Variants in SGCZ observed in about 807,000 individuals in gnomAD.
The protein encoded by SGCZ is zeta-sarcoglycan.
SGCZ carries 40 observed loss-of-function variants against 41.3 expected under a neutral mutation model. The ratio of observed to expected loss-of-function variants is 0.97; its 90% CI spans 0.75 to 1.26. The LOEUF (loss-of-function observed/expected upper bound fraction) is 1.26. Ranked by LOEUF, SGCZ falls within the 50% of genes most tolerant of loss-of-function variation. The probability of loss-of-function intolerance (pLI) is 0.00; values close to 1 mark genes in which losing one functional copy is unlikely to be tolerated. For synonymous variants in SGCZ, 206 were observed against 137.5 expected, an observed-to-expected ratio of 1.50 and a Z score of -3.49; for missense variants, 552 against 369.8, an observed-to-expected ratio of 1.49 and a Z score of -4.04.
intron 1 of SGCZ, among the ~76,000 whole-genome samples, chr8:14,718,285 G>C (rs912584763): frequency 9.2e-5 from 14 of 151,860 alleles, no homozygotes; most frequent in Non-Finnish European, 7.4e-5. Flanking sequence ...GCATTCAGGA[G>C]ACAGCTGCTA....
intron 1 of SGCZ, among the ~76,000 whole-genome samples, chr8:14,727,316 C>G (rs1022724980): frequency 7.2e-5 from 11 of 152,086 alleles, no homozygotes; most frequent in Non-Finnish European, 1.5e-4. Flanking sequence ...GAAGTTTAGA[C>G]AGTTTCACCG....
chr8:14,344,016 C>T (rs569690784), intron 2 of SGCZ, among the ~76,000 whole-genome samples: 1 of 152,084 alleles, frequency 6.6e-6, no homozygotes. Context: ...GAAGGAACTG[C>T]AATCCACGAA....
At chr8:14,365,195 A>G (rs979684803) in intron 2 of SGCZ, among the ~76,000 whole-genome samples, 1 of 152,020 alleles carries the variant, frequency 6.6e-6, no homozygotes, top group Non-Finnish European at 1.5e-5. Context: ...GGACTTACCT[A>G]CTTACAGATT....
chr8:14,234,756 T>C (rs569101113), intron 4 of SGCZ, among the ~76,000 whole-genome samples: 1 of 152,250 alleles, frequency 6.6e-6, no homozygotes, highest in East Asian at 1.9e-4. Context: ...GAATTAAATT[T>C]TACTTTTCTA....
chr8:15,205,957 C>T (rs1222539453), intron 1 of SGCZ, among the ~76,000 whole-genome samples: 2 of 152,096 alleles, frequency 1.3e-5, no homozygotes, highest in African/African-American at 4.8e-5. Context: ...AAGCTGGAGG[C>T]TACTATCCTC....
At chr8:14,268,412 T>A (rs1410546354) in intron 3 of SGCZ, among the ~76,000 whole-genome samples, 2 of 151,354 alleles carry the variant, frequency 1.3e-5, no homozygotes, top group Non-Finnish European at 3.0e-5. Flanking sequence ...CATTTTTGCC[T>A]CTGACTTTCC....
At chr8:14,554,228 A>G (rs1803960867) in intron 2 of SGCZ, among the ~76,000 whole-genome samples, 1 of 152,078 alleles carries the variant, frequency 6.6e-6, no homozygotes, top group African/African-American at 2.4e-5. Flanking sequence ...AATTATAGGC[A>G]TTAGTCAATG....
intron 2 of SGCZ, among the ~76,000 whole-genome samples, chr8:14,468,743 G>C (rs1801125347): frequency 6.6e-6 from 1 of 152,054 alleles, no homozygotes; most frequent in South Asian, 2.1e-4. Context: ...GTTTCTCCTA[G>C]ACTTTCAATT....
At chr8:14,307,118 A>G (rs1801375106) in intron 3 of SGCZ, among the ~76,000 whole-genome samples, 1 of 152,214 alleles carries the variant, frequency 6.6e-6, no homozygotes, top group South Asian at 2.1e-4. Flanking sequence ...ACTTTAACTT[A>G]AGTGATCATA....
intron 3 of SGCZ, among the ~76,000 whole-genome samples, chr8:14,323,286 T>C (rs937264379): frequency 3.3e-5 from 5 of 152,060 alleles, no homozygotes; most frequent in Non-Finnish European, 5.9e-5. Flanking sequence ...TTGATTAAAA[T>C]ATTAAAACAT....
intron 4 of SGCZ, among the ~76,000 whole-genome samples, chr8:14,227,696 A>T (rs1204512769): frequency 6.6e-6 from 1 of 152,078 alleles, no homozygotes; most frequent in African/African-American, 2.4e-5. Flanking sequence ...TATGAAATAT[A>T]TGTTGTCAGG....
chr8:14,226,998 A>G (rs780046307), intron 4 of SGCZ, among the ~76,000 whole-genome samples: 5 of 152,128 alleles, frequency 3.3e-5, no homozygotes, highest in Non-Finnish European at 7.4e-5. Flanking sequence ...ACATTTACCT[A>G]TAATACTCTA....
At chr8:14,573,062 G>C (rs150581906) in intron 1 of SGCZ, among the ~76,000 whole-genome samples, 99 of 152,180 alleles carry the variant, frequency 6.5e-4, no homozygotes, top group Middle Eastern at 3.4e-3. Flanking sequence ...CCATATGTGA[G>C]ATTTGTACTA....
At chr8:14,134,690 T>C (rs1230938865) in intron 5 of SGCZ, among the ~76,000 whole-genome samples, 1 of 152,176 alleles carries the variant, frequency 6.6e-6, no homozygotes, top group Non-Finnish European at 1.5e-5. Context: ...CATGAGCAGG[T>C]GTTAGCTCTC....
intron 3 of SGCZ, among the ~76,000 whole-genome samples, chr8:14,258,644 C>G (rs930649668): frequency 6.6e-6 from 1 of 152,030 alleles, no homozygotes; most frequent in African/African-American, 2.4e-5. Flanking sequence ...GAAGTATATT[C>G]AGAAGAGCAC....
intron 1 of SGCZ, among the ~76,000 whole-genome samples, chr8:14,917,222 T>C (rs973346826): frequency 6.6e-6 from 1 of 152,136 alleles, no homozygotes; most frequent in South Asian, 2.1e-4. Context: ...CTGATTCTTA[T>C]AATTAATTTT....
At chr8:14,646,956 G>A (rs1023975139) in intron 1 of SGCZ, among the ~76,000 whole-genome samples, 1 of 151,898 alleles carries the variant, frequency 6.6e-6, no homozygotes, top group African/African-American at 2.4e-5. Flanking sequence ...CTGTCTCTGG[G>A]CTCACATTTC....
At chr8:15,190,042 G>A (rs1036153582) in intron 1 of SGCZ, among the ~76,000 whole-genome samples, 2 of 152,016 alleles carry the variant, frequency 1.3e-5, no homozygotes, top group Non-Finnish European at 2.9e-5. Context: ...CAAACCTCCT[G>A]TGTTATAGCC....
intron 7 of SGCZ, among the ~76,000 whole-genome samples, chr8:14,094,669 T>C (rs1449672278): frequency 6.6e-6 from 1 of 152,108 alleles, no homozygotes; most frequent in Non-Finnish European, 1.5e-5. Flanking sequence ...GATTGATGGG[T>C]CAAATGGTAT....
Sources: gnomAD v4.1 joint callset for allele counts (sites outside exome capture counted in the v4.1 genomes callset) on GRCh38, gnomAD v4.1.1 for gene constraint, MANE v1.5 for transcripts, NCBI Gene and HGNC (gene_info 2026-07-23, HGNC 2026-07-21) for gene names.